The following PTPRM variants were observed in gnomAD, a reference collection of about 807,000 sequenced individuals.
PTPRM encodes the protein receptor-type tyrosine-protein phosphatase mu.
PTPRM carries 47 observed loss-of-function variants against 186.7 expected under a neutral mutation model. That is an observed-to-expected ratio of 0.25 (90% CI 0.20 to 0.32). The LOEUF is 0.32. PTPRM is among the 10% of genes least tolerant of loss of function. The pLI, the probability that PTPRM is intolerant of heterozygous loss-of-function variation, is 1.00. For missense variants in PTPRM, 1,494 were observed against 1,865.0 expected (o/e 0.80, Z 3.66); for synonymous variants, 668 against 674.9 (o/e 0.99, Z 0.16).
chr18:7,700,488 G>A (rs1181175497), intron 1 of PTPRM, among the ~76,000 whole-genome samples: 1 of 152,160 alleles, frequency 6.6e-6, no homozygotes, highest in African/African-American at 2.4e-5. Context: ...CAAATTAGGT[G>A]GCACCTTCTA....
intron 22 of PTPRM, among the ~76,000 whole-genome samples, chr18:8,329,410 C>T (rs1312479775): frequency 6.6e-6 from 1 of 152,150 alleles, no homozygotes; most frequent in Non-Finnish European, 1.5e-5. Flanking sequence ...CTAGGAGAAA[C>T]GTCATATGTT....
At position 7,788,177 on chromosome 18, in the gene PTPRM, C is replaced by A. The variant is rs1292653410; in HGVS notation, c.196+13906C>A. ...TTTTGGAAGCATTGCAAAAGACTATCCCTGAGTGTTAGGGTTTTCTTTTTC... is the reference window on the plus strand; with the variant it reads ...TTTTGGAAGCATTGCAAAAGACTATACCTGAGTGTTAGGGTTTTCTTTTTC... On this transcript the variant is annotated intron_variant, in intron 2 of 32. Transcript: ENST00000580170. 2.6e-5 allele frequency among the ~76,000 whole-genome samples: 4 copies of A among 152,148 alleles called. No homozygotes were observed. The East Asian group carries it at 7.7e-4, about 29-fold the overall frequency.
chr18:8,252,435 C>G (rs1466646092), intron 17 of PTPRM, 53 bp from the exon 18 acceptor site: 1 of 1,418,180 alleles, frequency 7.1e-7, no homozygotes, highest in Non-Finnish European at 1.0e-6. Flanking sequence ...ATTGCTTATG[C>G]CCTGTTTCCT....
In PTPRM at chr18:7,960,476, TATATACAC is replaced by T. The variant is rs1249630537; in HGVS notation, c.1132+5064_1132+5071del. On this transcript the variant is annotated intron_variant, in intron 7 of 32. Coordinates refer to ENST00000580170, the MANE Select transcript of PTPRM (RefSeq NM_001105244.2). ...ATATATATATATATATATATATATATATATACACACACACACACACACACACACACACG... is the reference window on the plus strand; with the variant it reads ...ATATATATATATATATATATATATATACACACACACACACACACACACACG... 4.5e-3 allele frequency among the ~76,000 whole-genome samples: 517 copies of T among 114,402 alleles called. 2 individuals are homozygous for T. The highest frequency in any genetic ancestry group is 5.9e-3 in the Non-Finnish European group (333 of 56,114). 75.1% of individuals were successfully genotyped at this position (114,402 alleles called of 152,430 possible). A position where few individuals can be genotyped will look rare whatever the true frequency, so the allele number is the denominator to read the frequency against.
chr18:8,201,488 G>T (rs141199986), intron 14 of PTPRM, among the ~76,000 whole-genome samples: 1 of 152,260 alleles, frequency 6.6e-6, no homozygotes, highest in African/African-American at 2.4e-5. Flanking sequence ...AGGTTGTGGT[G>T]CTATTACTAT....
At chr18:7,871,585 A>G (rs1379616065) in intron 2 of PTPRM, among the ~76,000 whole-genome samples, 1 of 152,210 alleles carries the variant, frequency 6.6e-6, no homozygotes, top group Non-Finnish European at 1.5e-5. Flanking sequence ...TGTTTGTGGA[A>G]TGAACAAATG....
At position 7,722,611 on chromosome 18, in the gene PTPRM, A is replaced by G. The variant is rs116114101; in HGVS notation, c.74-51538A>G. On this transcript the variant is annotated intron_variant, in intron 1 of 32. Transcript: ENST00000580170. ...AAACCAAGATGAAATAAAAGAAAAG[A>G]TTGACAGGTTTGCCAGTGGCAACAT... is the stretch of plus-strand genomic sequence containing the variant. 7.7e-3 allele frequency among the ~76,000 whole-genome samples: 1,179 copies of G among 152,272 alleles called. 19 individuals are homozygous for G. Among genetic ancestry groups the G allele is most frequent in the African/African-American group, 0.027 (1,134 of 41,554 alleles).
intron 5 of PTPRM, 84 bp from the exon 6 acceptor site, chr18:7,949,097 G>T: frequency 7.6e-7 from 1 of 1,320,050 alleles, no homozygotes; most frequent in East Asian, 2.3e-5. Context: ...AAACAGCATG[G>T]ATAATATACC....
intron 20 of PTPRM, 151 bp downstream of exon 20, chr18:8,296,606 G>T (rs1228659727): frequency 4.6e-5 from 27 of 582,790 alleles, no homozygotes; most frequent in Non-Finnish European, 7.9e-5. Flanking sequence ...ACTAAAGAAA[G>T]GAATAACTGT....
At chr18:7,775,820 C>G (rs952603304) in intron 2 of PTPRM, among the ~76,000 whole-genome samples, 1 of 152,208 alleles carries the variant, frequency 6.6e-6, no homozygotes, top group African/African-American at 2.4e-5. Context: ...TCTAGCCTCT[C>G]CTGACTCTGT....
rs62644909 is a variant in PTPRM, at chr18:7,985,274, A to G, written c.1132+29860A>G. On this transcript the variant is annotated intron_variant, in intron 7 of 32. Coordinates refer to ENST00000580170, the MANE Select transcript of PTPRM (RefSeq NM_001105244.2). The stretch of plus-strand genomic sequence containing the variant: ...ACACATATAAATATATACATATAAT[A>G]GTATATACACATAAATATATACATA... Among the ~76,000 whole-genome samples the G allele has an allele frequency of 3.8e-4, 20 of 52,424 alleles. 2 individuals are homozygous for G. Among genetic ancestry groups the G allele is most frequent in the African/African-American group, 1.7e-3 (15 of 9,032 alleles). The allele number at this position is 52,424 out of a possible 152,430, so 34.4% of individuals were successfully genotyped here. A position where few individuals can be genotyped will look rare whatever the true frequency, so the allele number is the denominator to read the frequency against.
chr18:7,596,506 A>G (rs1036264444), intron 1 of PTPRM, among the ~76,000 whole-genome samples: 11 of 152,208 alleles, frequency 7.2e-5, no homozygotes, highest in Admixed American at 2.6e-4. Context: ...CCACATCCAC[A>G]TACTTTTATT....
intron 7 of PTPRM, among the ~76,000 whole-genome samples, chr18:8,055,496 C>T (rs991330698): frequency 2.6e-5 from 4 of 152,068 alleles, no homozygotes; most frequent in Admixed American, 6.6e-5. Context: ...CTAAAAGTTA[C>T]GTTAGCTGTT....
At chr18:8,218,970 G>A (rs1253303872) in intron 14 of PTPRM, among the ~76,000 whole-genome samples, 2 of 152,184 alleles carry the variant, frequency 1.3e-5, no homozygotes, top group Non-Finnish European at 2.9e-5. Flanking sequence ...GGCTGAGAGT[G>A]TGGAGGGAAA....
intron 2 of PTPRM, among the ~76,000 whole-genome samples, chr18:7,879,197 G>A (rs998495401): frequency 4.6e-5 from 7 of 152,110 alleles, no homozygotes; most frequent in Admixed American, 3.9e-4. Flanking sequence ...AGAACCCACC[G>A]GGTTTCCTCT....
chr18:8,249,062 A>C (rs2094503616), intron 17 of PTPRM, among the ~76,000 whole-genome samples: 1 of 152,258 alleles, frequency 6.6e-6, no homozygotes, highest in Non-Finnish European at 1.5e-5. Flanking sequence ...TCTACTACTA[A>C]CCTTTCCGAA....
At chr18:7,961,330 T>A (rs1416262765) in intron 7 of PTPRM, among the ~76,000 whole-genome samples, 1 of 152,196 alleles carries the variant, frequency 6.6e-6, no homozygotes, top group African/African-American at 2.4e-5. Context: ...TTTGTCTCTA[T>A]GGATTTAACT....
intron 23 of PTPRM, among the ~76,000 whole-genome samples, chr18:8,360,503 CATT>C (rs1444205676): frequency 6.6e-6 from 1 of 152,180 alleles, no homozygotes; most frequent in East Asian, 1.9e-4. Flanking sequence ...ATTTGGGTAA[CATT>C]ATTTGAAAAT....
chr18:8,221,321 G>T (rs1182214966), intron 14 of PTPRM, among the ~76,000 whole-genome samples: 1 of 152,180 alleles, frequency 6.6e-6, no homozygotes, highest in South Asian at 2.1e-4. Flanking sequence ...TTTCTCAGAG[G>T]CCAGGGCTGT....
Sources: gnomAD v4.1 joint callset for allele counts (sites outside exome capture counted in the v4.1 genomes callset) on GRCh38, gnomAD v4.1.1 for gene constraint, MANE v1.5 for transcripts, NCBI Gene and HGNC (gene_info 2026-07-23, HGNC 2026-07-21) for gene names.